OCRL: variants seen among roughly 807,000 people sequenced by gnomAD.
OCRL encodes OCRL inositol polyphosphate-5-phosphatase.
OCRL carries 8 observed loss-of-function variants against 78.9 expected under a neutral mutation model. The ratio of observed to expected loss-of-function variants is 0.10; its 90% CI spans 0.06 to 0.18. OCRL has a LOEUF of 0.18. OCRL is among the 10% of genes least tolerant of loss of function. The pLI is 1.00. For missense variants in OCRL, 454 were observed against 696.7 expected (o/e 0.65, Z 3.92); for synonymous variants, 240 against 235.4 (o/e 1.02, Z -0.18).
intron 9 of OCRL, among the ~76,000 whole-genome samples, chrX:129,560,913 TC>T (rs1936136500): frequency 8.9e-6 from 1 of 112,688 alleles, no homozygotes; most frequent in Non-Finnish European, 1.9e-5. Flanking sequence ...CAGTGACAGT[TC>T]CTAGGATATA....
rs750377065 is a variant in OCRL at position 129,565,752 on chromosome X, T to G, written c.1245-20T>G. On this transcript the variant is annotated intron_variant, in intron 12 of 23. Coordinates refer to ENST00000371113, the MANE Select transcript of OCRL (RefSeq NM_000276.4). Reference sequence around the variant, plus strand: ...TTATGCTAATCGCTACTTCTGTTCATACATTTTTTTGATCCTTAGGGTTGT... The same window carrying G: ...TTATGCTAATCGCTACTTCTGTTCAGACATTTTTTTGATCCTTAGGGTTGT... 3 of 1,125,428 alleles carry G rather than the reference T, an allele frequency of 2.7e-6. No homozygotes were observed. Among genetic ancestry groups the G allele is most frequent in the Non-Finnish European group, 2.4e-6 (2 of 816,982 alleles). The allele number at this position is 1,125,428 out of a possible 1,213,427, so 92.7% of individuals were successfully genotyped here.
At chrX:129,540,851 G>A (rs1023258649) in intron 2 of OCRL, 28 bp downstream of exon 2, 26 of 1,143,990 alleles carry the variant, frequency 2.3e-5, no homozygotes, top group Non-Finnish European at 3.0e-5. Context: ...TCCCACAGAG[G>A]AGGGGAGCCT....
At chrX:129,589,188 TC>T in intron 22 of OCRL, 175 bp downstream of exon 22, 1 of 522,614 alleles carries the variant, frequency 1.9e-6, no homozygotes, top group African/African-American at 2.3e-5. Flanking sequence ...TTGTGTTGTT[TC>T]CTACGATATT....
Position 129,560,717 on chromosome X carries a change from C to T in OCRL, c.824+66C>T, listed in dbSNP as rs975892687. On this transcript the variant is annotated intron_variant, in intron 9 of 23. Coordinates refer to ENST00000371113, the MANE Select transcript of OCRL (RefSeq NM_000276.4). ...GGTGTTCATTTACATGATGTTTTGC[C>T]TTTTTTAAAAAAGACTGTTGGTAAA... 8 of 794,947 alleles carry T rather than the reference C, an allele frequency of 1.0e-5. No individual in the cohort carries two copies. In the African/African-American group the frequency reaches 1.6e-4, roughly 16 times the overall value. 65.5% of individuals were successfully genotyped at this position (794,947 alleles called of 1,213,427 possible).
chrX:129,582,145 C>T (rs961490913), intron 18 of OCRL, among the ~76,000 whole-genome samples: 1 of 110,819 alleles, frequency 9.0e-6, no homozygotes, highest in Admixed American at 9.7e-5. Flanking sequence ...TTGTGATTTA[C>T]TGTCTCTGTG....
rs746246147 is a variant in OCRL at position 129,548,656 on chromosome X, A to G, written c.238+55A>G. 48 of 1,007,944 alleles carry G rather than the reference A, an allele frequency of 4.8e-5. No homozygotes were observed. In the East Asian group the frequency reaches 1.4e-3, roughly 30 times the overall value. The allele number at this position is 1,007,944 out of a possible 1,213,427, so 83.1% of individuals were successfully genotyped here. A position where few individuals can be genotyped will look rare whatever the true frequency, so the allele number is the denominator to read the frequency against. ...TTACTCAACAAATATTTACTTGAAC[A>G]CTCACTACATTTAAGACACCTTTTG... On this transcript the variant is annotated intron_variant, in intron 4 of 23. Transcript: ENST00000371113.
At position 129,540,628 on chromosome X, in the gene OCRL, C is replaced by T. The variant is rs866138186; in HGVS notation, c.40-116C>T. ...GGCCGGCGCGGGAGACGAAGCAGGG[C>T]GGGGCGGGGCGGGGGAGGGCGGCGG... is the stretch of plus-strand genomic sequence containing the variant. On this transcript the variant is annotated intron_variant, in intron 1 of 23. Transcript: ENST00000371113. 2.6e-5 allele frequency: 4 copies of T among 155,356 alleles called. No individual in the cohort carries two copies. The African/African-American group carries it at 5.4e-4, about 21-fold the overall frequency. The allele number at this position is 155,356 out of a possible 1,213,427, so 12.8% of individuals were successfully genotyped here.
chrX:129,567,810 T>C (rs899394615), intron 14 of OCRL, among the ~76,000 whole-genome samples: 1 of 111,847 alleles, frequency 8.9e-6, no homozygotes, highest in Non-Finnish European at 1.9e-5. Context: ...TAAAAGACTT[T>C]AGAATCCCTT....
rs1936098021 is a variant in OCRL, at chrX:129,558,683, A to G, written c.490A>G (p.Ile164Val). 1 of 1,210,316 alleles carries G rather than the reference A, an allele frequency of 8.3e-7. No homozygotes were observed. Among genetic ancestry groups the G allele is most frequent in the Non-Finnish European group, 1.1e-6 (1 of 894,890 alleles). Residue 164 changes from isoleucine to valine, a missense_variant, in exon 7 of 24, where the codon ATA becomes GTA. Physicochemically the swap from Ile to Val is conservative, Grantham distance 29 (BLOSUM62 3). Around this residue, in one of 2 missense-constraint regions of OCRL, gnomAD observed 177 missense variants for 179.6 expected, o/e 0.99. Transcript: ENST00000371113. The stretch of plus-strand genomic sequence containing the variant: ...TTCTTCTATGAATTTGGACAAGAAA[A>G]TAAATTCACAAAATCAGCCTACTGG... Reference protein sequence around the residue: ...NFSSMNLDKKINSQNQPTGIH... With the variant: ...NFSSMNLDKKVNSQNQPTGIH...
chrX:129,589,270 G>A, intron 22 of OCRL: 1 of 367,813 alleles, frequency 2.7e-6, no homozygotes, highest in Non-Finnish European at 4.8e-6. Context: ...CTACTCTGGG[G>A]TAAATTGGTG....
chrX:129,585,294 G>A (rs750259578), intron 19 of OCRL, among the ~76,000 whole-genome samples: 2 of 112,241 alleles, frequency 1.8e-5, no homozygotes, highest in Non-Finnish European at 3.8e-5. Flanking sequence ...AACCACCAAG[G>A]TTTGAGACAG....
rs768272176 is a variant in OCRL at position 129,570,413 on chromosome X, C to T, written c.1602+1014C>T. On this transcript the variant is annotated intron_variant, in intron 15 of 23. Coordinates refer to ENST00000371113, the MANE Select transcript of OCRL (RefSeq NM_000276.4). ...ACATACTCATGAAGATTAATGAGTTCGGACATGTGAAGAGCATAATGGGAT... is the reference window on the plus strand; with the variant it reads ...ACATACTCATGAAGATTAATGAGTTTGGACATGTGAAGAGCATAATGGGAT... 7.2e-5 allele frequency among the ~76,000 whole-genome samples: 8 copies of T among 111,686 alleles called. No homozygotes were observed. In the South Asian group the frequency reaches 1.1e-3, roughly 16 times the overall value.
At chrX:129,589,457 A>G in intron 22 of OCRL, 1 of 281,499 alleles carries the variant, frequency 3.6e-6, no homozygotes, top group Non-Finnish European at 6.5e-6. Flanking sequence ...GTCCCCATCC[A>G]TGCTAAGTGA....
chrX:129,566,239 A>T (rs762869701), intron 13 of OCRL, among the ~76,000 whole-genome samples: 1 of 111,976 alleles, frequency 8.9e-6, no homozygotes, highest in East Asian at 2.8e-4. Flanking sequence ...GGTTTGGCAG[A>T]TGGAACAGTG....
intron 15 of OCRL, among the ~76,000 whole-genome samples, chrX:129,570,578 GA>G (rs1443122370): frequency 2.7e-5 from 3 of 112,421 alleles, no homozygotes; most frequent in African/African-American, 9.7e-5. Flanking sequence ...ATTGGTCTTA[GA>G]ATAGATTTTA....
At chrX:129,589,164 C>T in intron 22 of OCRL, 151 bp downstream of exon 22, 1 of 612,065 alleles carries the variant, frequency 1.6e-6, no homozygotes, top group Admixed American at 2.6e-5. Context: ...GAGTTGCTAC[C>T]CTTAAATTTT....
At chrX:129,547,104 A>G (rs187734198) in intron 3 of OCRL, among the ~76,000 whole-genome samples, 18 of 110,994 alleles carry the variant, frequency 1.6e-4, no homozygotes, top group Admixed American at 1.2e-3. Context: ...TGGCAGATAC[A>G]TGTAGTCCCA....
chrX:129,546,753 C>G (rs1935883812), intron 3 of OCRL, among the ~76,000 whole-genome samples: 1 of 111,651 alleles, frequency 9.0e-6, no homozygotes, highest in African/African-American at 3.3e-5. Flanking sequence ...TCTCTTTTAC[C>G]CTGTTTCTCT....
At chrX:129,576,139 A>C in intron 17 of OCRL, 77 bp downstream of exon 17, 3 of 1,055,419 alleles carry the variant, frequency 2.8e-6, no homozygotes, top group Non-Finnish European at 4.0e-6. Flanking sequence ...TCTGTTTTCT[A>C]ACCACATGTC....
Sources: gnomAD v4.1 joint callset for allele counts (sites outside exome capture counted in the v4.1 genomes callset) on GRCh38, gnomAD v4.1.1 for gene constraint, gnomAD v4.1.1 regional missense constraint, MANE v1.5 for transcripts, NCBI Gene and HGNC (gene_info 2026-07-23, HGNC 2026-07-21) for gene names.